Variants in MSI1 observed in about 807,000 individuals in gnomAD.
The protein encoded by MSI1 is musashi RNA binding protein 1, also known as RNA-binding protein Musashi homolog 1.
MSI1 carries 15 observed loss-of-function variants against 54.4 expected under a neutral mutation model. The observed-to-expected ratio is 0.28, with a 90% CI of 0.18 to 0.42. The LOEUF is 0.42. Among genes scored for constraint, MSI1 ranks in the 20% least tolerant of loss-of-function variants. MSI1 has a pLI of 1.00. For synonymous variants in MSI1, 200 were observed against 196.5 expected (o/e 1.02, Z -0.15); for missense variants, 304 against 506.0 (o/e 0.60, Z 3.83).
rs1875413817 is a variant in MSI1 at position 120,359,132 on chromosome 12, C to T, written c.403-79G>A. On this transcript the variant is annotated intron_variant, in intron 6 of 14. Coordinates refer to ENST00000257552, the MANE Select transcript of MSI1 (RefSeq NM_002442.4). ...CACCAAGGAACAGGGGCTCTGGCAA[C>T]CCACTGCCCTCTTGCCCACTCCAGG... The T allele has an allele frequency of 1.1e-5, 16 of 1,515,986 alleles. No homozygotes were observed. The South Asian group carries it at 1.9e-4, about 18-fold the overall frequency. 93.9% of individuals were successfully genotyped at this position (1,515,986 alleles called of 1,614,324 possible).
chr12:120,347,242 G>A (rs962965830), intron 12 of MSI1, among the ~76,000 whole-genome samples: 8 of 152,164 alleles, frequency 5.3e-5, no homozygotes, highest in African/African-American at 1.9e-4. Context: ...GAGCCACCGC[G>A]CCCAGCCGAC....
At chr12:120,359,963 T>C (rs973232821) in intron 6 of MSI1, among the ~76,000 whole-genome samples, 75 of 151,900 alleles carry the variant, frequency 4.9e-4, no homozygotes, top group African/African-American at 1.8e-3. Context: ...TCTCCTTCCC[T>C]CTACTTCCAG....
downstream of MSI1, among the ~76,000 whole-genome samples, chr12:120,340,070 A>G (rs1273322672): frequency 6.8e-6 from 1 of 147,864 alleles, no homozygotes; most frequent in Non-Finnish European, 1.5e-5. Flanking sequence ...TTGTGAGCCA[A>G]CGTGCCCAGC....
chr12:120,345,464 G>T, intron 14 of MSI1, 106 bp downstream of exon 14: 2 of 946,304 alleles, frequency 2.1e-6, no homozygotes, highest in South Asian at 1.4e-5. Context: ...TCTCCCCTGG[G>T]ACTGTGGTTC....
At chr12:120,363,252 T>A in intron 5 of MSI1, 117 bp from the exon 6 acceptor site, 5 of 689,156 alleles carry the variant, frequency 7.3e-6, no homozygotes, top group Non-Finnish European at 1.2e-5. Context: ...GGCCCCAGCC[T>A]CTTTAAAGGC....
chr12:120,353,275 A>T, intron 10 of MSI1, 24 bp downstream of exon 10: 1 of 1,609,986 alleles, frequency 6.2e-7, no homozygotes, highest in Non-Finnish European at 8.5e-7. Flanking sequence ...TGCTGGCAGC[A>T]GAGGGATACT....
chr12:120,364,353 C>T (rs1021976013), intron 5 of MSI1, among the ~76,000 whole-genome samples: 1 of 152,112 alleles, frequency 6.6e-6, no homozygotes, highest in Non-Finnish European at 1.5e-5. Context: ...TAAGTCTGTC[C>T]TGTATTTCAC....
intron 9 of MSI1, among the ~76,000 whole-genome samples, 175 bp from the exon 10 acceptor site, chr12:120,353,554 C>G (rs1393405581): frequency 6.6e-6 from 1 of 152,224 alleles, no homozygotes; most frequent in African/African-American, 2.4e-5. Context: ...ACACTATTAT[C>G]CCGTTAAACT....
At chr12:120,361,998 C>T (rs1190464939) in intron 6 of MSI1, among the ~76,000 whole-genome samples, 3 of 151,636 alleles carry the variant, frequency 2.0e-5, no homozygotes, top group East Asian at 3.9e-4. Context: ...GACACCCCGC[C>T]GCAGCCGAGC....
intron 6 of MSI1, 121 bp from the exon 7 acceptor site, chr12:120,359,174 C>T: frequency 8.4e-7 from 1 of 1,195,578 alleles, no homozygotes; most frequent in Non-Finnish European, 1.2e-6. Flanking sequence ...CTTCAACCTG[C>T]TCCCTGCACA....
At chr12:120,361,279 C>G (rs1179448) in intron 6 of MSI1, 1 of 152,190 alleles carries the variant, frequency 6.6e-6, no homozygotes, top group Admixed American at 6.5e-5. Context: ...CCTACAGCTC[C>G]GAGTCCCTGC....
In MSI1 at chr12:120,351,703, CTT is replaced by C. The variant is rs2136926235; in HGVS notation, c.734-305_734-304del. The stretch of plus-strand genomic sequence containing the variant: ...TTTTCTGTTTCTTTTCTTTTTCTTT[CTT>C]TCTCTCTTTTTTTTTTTTTTTGAAA... On this transcript the variant is annotated intron_variant, in intron 10 of 14. Transcript: ENST00000257552. 5.2e-5 allele frequency among the ~76,000 whole-genome samples: 7 copies of C among 133,718 alleles called. No individual in the cohort carries two copies. The South Asian group carries it at 7.6e-4, about 15-fold the overall frequency. 87.7% of individuals were successfully genotyped at this position (133,718 alleles called of 152,430 possible). A position where few individuals can be genotyped will look rare whatever the true frequency, so the allele number is the denominator to read the frequency against.
rs911374371 is a variant in MSI1, at chr12:120,368,398, C to T, written c.101-125G>A. 2.0e-6 allele frequency: 2 copies of T among 989,794 alleles called. No individual in the cohort carries two copies. The highest frequency in any genetic ancestry group is 3.4e-5 in the African/African-American group (2 of 58,100). The allele number at this position is 989,794 out of a possible 1,614,324, so 61.3% of individuals were successfully genotyped here. A position where few individuals can be genotyped will look rare whatever the true frequency, so the allele number is the denominator to read the frequency against. ...CGCGCCAAGCTGCCCGCGCGTTCTC[C>T]ACTGCCGCCGCCCCCCACCGCCCTC... is the stretch of plus-strand genomic sequence containing the variant. On this transcript the variant is annotated intron_variant, in intron 2 of 14. Transcript: ENST00000257552. The surrounding 1 kb of genome is among the most constrained non-coding windows in gnomAD (Gnocchi z 6.6).
intron 9 of MSI1, among the ~76,000 whole-genome samples, chr12:120,354,154 T>G (rs1260069717): frequency 2.0e-5 from 3 of 151,968 alleles, no homozygotes; most frequent in Non-Finnish European, 1.5e-5. Context: ...CCTGGCTAAT[T>G]TTTAATTTTT....
chr12:120,346,179 C>A lies in MSI1; in HGVS notation c.1003G>T (p.Ala335Ser). 1.9e-6 allele frequency: 3 copies of A among 1,598,334 alleles called. No homozygotes were observed. The highest frequency in any genetic ancestry group is 2.6e-6 in the Non-Finnish European group (3 of 1,173,536). The change falls in exon 13 of 15, where the codon GCC (alanine) becomes TCC (serine). Residue 335 changes from alanine (A) to serine (S), a missense_variant. Around this residue, in one of 4 missense-constraint regions of MSI1, gnomAD observed 147 missense variants for 231.5 expected, o/e 0.64. Coordinates refer to ENST00000257552, the MANE Select transcript of MSI1 (RefSeq NM_002442.4). ...CCGGTGCTGGGGGCAGGGCTGGCGG[C>A]GCTGATGTAACTGCTGACCCCCGAG... ...QDSGVSSYIS[A>S]ASPAPSTGFG...
At chr12:120,363,637 G>A (rs1012232798) in intron 5 of MSI1, among the ~76,000 whole-genome samples, 2 of 152,174 alleles carry the variant, frequency 1.3e-5, no homozygotes, top group Non-Finnish European at 2.9e-5. Context: ...TGGCTAATCC[G>A]CGGCAATTCC....
intron 7 of MSI1, 59 bp downstream of exon 7, chr12:120,358,946 T>A: frequency 6.5e-7 from 1 of 1,534,360 alleles, no homozygotes; most frequent in South Asian, 1.2e-5. Context: ...AGCTGTGACC[T>A]GCAGCCCCCT....
rs375135447 is a variant in MSI1 at position 120,356,982 on chromosome 12, G to A, written c.572C>T (p.Ser191Leu). The A allele has an allele frequency of 2.0e-5, 32 of 1,614,152 alleles. No homozygotes were observed. The highest frequency in any genetic ancestry group is 9.9e-5 in the South Asian group (9 of 91,096). ...CKKAQPKEVM[S>L]PTGSARGRSR... is the part of the protein sequence containing the mutation. Reference sequence around the variant, plus strand: ...CCTCCCCCGGGCTGAGCCCGTTGGCGACATCACCTCCTTTGGCTGAGCTTT... The same window carrying A: ...CCTCCCCCGGGCTGAGCCCGTTGGCAACATCACCTCCTTTGGCTGAGCTTT... Residue 191 changes from serine to leucine, a missense_variant, in exon 9 of 15, where the codon TCG becomes TTG. This residue lies in a region of MSI1 where 105 missense variants were observed against 230.1 expected (regional missense o/e 0.46). Transcript: ENST00000257552.
rs773697614 is a variant in MSI1 at position 120,368,111 on chromosome 12, G to A, written c.183-19C>T. The A allele has an allele frequency of 3.5e-5, 57 of 1,612,310 alleles. No individual in the cohort carries two copies. Among genetic ancestry groups the A allele is most frequent in the Admixed American group, 5.0e-5 (3 of 59,780 alleles). The stretch of plus-strand genomic sequence containing the variant: ...GAAACCCCTGCGCGCCGTAGTGAGG[G>A]AGAGGCAGATGGTTACAAGGCAGTG... On this transcript the variant is annotated intron_variant, in intron 3 of 14. Transcript: ENST00000257552. The surrounding 1 kb of genome is among the most constrained non-coding windows in gnomAD (Gnocchi z 6.6).
Sources: allele counts gnomAD v4.1 joint callset (sites outside exome capture counted in the v4.1 genomes callset), GRCh38; gene constraint gnomAD v4.1.1; regional missense constraint gnomAD v4.1.1; non-coding constraint Gnocchi (gnomAD v3.1); transcripts MANE v1.5; gene names NCBI Gene and HGNC (gene_info 2026-07-23, HGNC 2026-07-21).